The following TUFT1 variants were observed in gnomAD, a reference collection of about 807,000 sequenced individuals.
The protein encoded by TUFT1 is tuftelin 1.
A neutral mutation model predicts 57.8 loss-of-function variants in TUFT1; 43 were observed. That is an observed-to-expected ratio of 0.74 (90% CI 0.58 to 0.96). The LOEUF is 0.96. Among genes scored for constraint, TUFT1 ranks in the 40% least tolerant of loss-of-function variants. The pLI is 0.00. For synonymous variants in TUFT1, 166 were observed against 176.7 expected (o/e 0.94, Z 0.48); for missense variants, 459 against 489.0 (o/e 0.94, Z 0.58).
intron 1 of TUFT1, among the ~76,000 whole-genome samples, chr1:151,544,579 G>A (rs1046571439): frequency 6.6e-6 from 1 of 151,978 alleles, no homozygotes; most frequent in Non-Finnish European, 1.5e-5. Flanking sequence ...TTACAGGCGT[G>A]AGCCACCGTG....
intron 1 of TUFT1, among the ~76,000 whole-genome samples, chr1:151,560,803 C>T (rs1426676175): frequency 6.6e-6 from 1 of 152,222 alleles, no homozygotes; most frequent in Non-Finnish European, 1.5e-5. Flanking sequence ...TCCATAGTGG[C>T]TAAGCCCCTC....
intron 7 of TUFT1, among the ~76,000 whole-genome samples, chr1:151,572,074 G>T (rs1392424075): frequency 6.6e-6 from 1 of 152,112 alleles, no homozygotes; most frequent in Non-Finnish European, 1.5e-5. Context: ...GGTGGAGCAT[G>T]CCTGTGGTTC....
intron 3 of TUFT1, among the ~76,000 whole-genome samples, chr1:151,563,695 A>G (rs1665970451): frequency 6.6e-6 from 1 of 152,186 alleles, no homozygotes; most frequent in South Asian, 2.1e-4. Context: ...CATTGAGCTA[A>G]ATTTATTGCA....
chr1:151,561,245 GC>G (rs1336510956), intron 1 of TUFT1, among the ~76,000 whole-genome samples: 1 of 152,080 alleles, frequency 6.6e-6, no homozygotes, highest in African/African-American at 2.4e-5. Context: ...TGATCCACCT[GC>G]CTTGGCCTCC....
At chr1:151,554,530 G>A (rs931598003) in intron 1 of TUFT1, among the ~76,000 whole-genome samples, 1 of 151,918 alleles carries the variant, frequency 6.6e-6, no homozygotes, top group Non-Finnish European at 1.5e-5. Flanking sequence ...CTCCTGAGTA[G>A]CTGGGACTAC....
intron 9 of TUFT1, 56 bp downstream of exon 9, chr1:151,575,061 G>A: frequency 6.9e-7 from 1 of 1,459,146 alleles, no homozygotes; most frequent in Non-Finnish European, 9.4e-7. Context: ...GGGAGGGCAG[G>A]CCATACAGCC....
chr1:151,564,476 G>GCT, intron 4 of TUFT1, 49 bp from the exon 5 acceptor site: 1 of 1,440,236 alleles, frequency 6.9e-7, no homozygotes, highest in South Asian at 1.2e-5. Flanking sequence ...GAGTTGGCAT[G>GCT]CTCTCTTTCT....
chr1:151,545,741 C>A, intron 1 of TUFT1: 1 of 469,792 alleles, frequency 2.1e-6, no homozygotes, highest in East Asian at 6.0e-5. Context: ...GGTCCCTCAA[C>A]CAGTGGAGAG....
chr1:151,569,512 A>G (rs2102546645), intron 6 of TUFT1, 145 bp from the exon 7 acceptor site: 1 of 660,196 alleles, frequency 1.5e-6, no homozygotes, highest in Non-Finnish European at 2.7e-6. Flanking sequence ...GCCTAAGGTA[A>G]CTCTCCCCTT....
intron 1 of TUFT1, among the ~76,000 whole-genome samples, chr1:151,561,150 C>T (rs552401265): frequency 4.6e-5 from 7 of 152,102 alleles, no homozygotes; most frequent in African/African-American, 1.2e-4. Context: ...CCTGCCACCA[C>T]GCCAGGCTGA....
chr1:151,580,623 C>CTGCA (rs1666617524), intron 11 of TUFT1, among the ~76,000 whole-genome samples: 1 of 140,850 alleles, frequency 7.1e-6, no homozygotes, highest in Non-Finnish European at 1.5e-5. Flanking sequence ...AATCACGCCA[C>CTGCA]TGCACTCCAG....
intron 6 of TUFT1, among the ~76,000 whole-genome samples, chr1:151,567,132 C>G (rs1183722646): frequency 6.6e-6 from 1 of 152,176 alleles, no homozygotes; most frequent in Non-Finnish European, 1.5e-5. Flanking sequence ...AATTCTTGGG[C>G]TCAAGTGATC....
chr1:151,552,629 G>A (rs565494754), intron 1 of TUFT1, among the ~76,000 whole-genome samples: 4 of 150,182 alleles, frequency 2.7e-5, no homozygotes, highest in East Asian at 4.0e-4. Context: ...GCTTGAGCCC[G>A]GGAGGTGGAG....
chr1:151,561,855 A>G, intron 1 of TUFT1: 2 of 1,486,644 alleles, frequency 1.3e-6, no homozygotes, highest in Non-Finnish European at 1.8e-6. Flanking sequence ...GCCATGTGCC[A>G]GGTAATCTTT....
At chr1:151,566,100 T>C in intron 5 of TUFT1, 63 bp from the exon 6 acceptor site, 7 of 1,085,612 alleles carry the variant, frequency 6.4e-6, no homozygotes, top group Non-Finnish European at 8.8e-6. Flanking sequence ...GTTAGGAGAA[T>C]AATGTTTCAA....
chr1:151,576,825 A>G (rs1666480302), intron 9 of TUFT1, among the ~76,000 whole-genome samples: 1 of 152,238 alleles, frequency 6.6e-6, no homozygotes, highest in Admixed American at 6.5e-5. Context: ...GGGTTTCACC[A>G]TGTCGGCCAG....
At chr1:151,555,488 A>G (rs1489278058) in intron 1 of TUFT1, among the ~76,000 whole-genome samples, 3 of 148,942 alleles carry the variant, frequency 2.0e-5, no homozygotes, top group South Asian at 2.1e-4. Flanking sequence ...AACAAAAAAG[A>G]TAATTATAGG....
chr1:151,578,866 C>G, intron 10 of TUFT1, 40 bp downstream of exon 10: 1 of 1,481,918 alleles, frequency 6.7e-7, no homozygotes, highest in South Asian at 1.2e-5. Flanking sequence ...CGGGGAGTCA[C>G]CCCAAGTCTA....
Position 151,581,742 on chromosome 1 carries a change from C to T in TUFT1, c.*35C>T, listed in dbSNP as rs758320886. On this transcript the variant is annotated 3_prime_UTR_variant, in exon 13 of 13. Transcript: ENST00000368849. ...AGATGGTTGCTGCCATTGCTGCTGCCTCTGCCTCGGAGAAGCCCACTGCCC... is the reference window on the plus strand; with the variant it reads ...AGATGGTTGCTGCCATTGCTGCTGCTTCTGCCTCGGAGAAGCCCACTGCCC... The T allele has an allele frequency of 1.2e-6, 2 of 1,611,982 alleles. No individual in the cohort carries two copies. Among genetic ancestry groups the T allele is most frequent in the South Asian group, 2.2e-5 (2 of 91,006 alleles).
Sources: gnomAD v4.1 joint callset for allele counts (sites outside exome capture counted in the v4.1 genomes callset) on GRCh38, gnomAD v4.1.1 for gene constraint, MANE v1.5 for transcripts, NCBI Gene and HGNC (gene_info 2026-07-23, HGNC 2026-07-21) for gene names.